RAPGEF5: variants seen among roughly 807,000 people sequenced by gnomAD.
RAPGEF5 encodes M-Ras-regulated GEF.
A neutral mutation model predicts 125.2 loss-of-function variants in RAPGEF5; 65 were observed. The ratio of observed to expected loss-of-function variants is 0.52; its 90% confidence interval spans 0.43 to 0.64. The LOEUF (loss-of-function observed/expected upper bound fraction) is 0.64. RAPGEF5 is among the 30% of genes least tolerant of loss of function. The pLI, the probability that RAPGEF5 is intolerant of heterozygous loss-of-function variation, is 0.00. For synonymous variants in RAPGEF5, 391 were observed against 385.9 expected (o/e 1.01, Z -0.16); for missense variants, 958 against 1,048.1 (o/e 0.91, Z 1.19).
At chr7:22,170,247 G>A (rs1334506606) in intron 11 of RAPGEF5, among the ~76,000 whole-genome samples, 1 of 152,180 alleles carries the variant, frequency 6.6e-6, no homozygotes, top group Non-Finnish European at 1.5e-5. Context: ...TAGAGATGGG[G>A]TTTCACCATA....
At chr7:22,183,330 A>G (rs1023144752) in intron 11 of RAPGEF5, among the ~76,000 whole-genome samples, 1 of 150,106 alleles carries the variant, frequency 6.7e-6, no homozygotes, top group Non-Finnish European at 1.5e-5. Context: ...GTAATTTTAT[A>G]TATTTGATTC....
intron 7 of RAPGEF5, among the ~76,000 whole-genome samples, chr7:22,256,787 C>A (rs949456543): frequency 2.0e-5 from 3 of 152,242 alleles, no homozygotes; most frequent in African/African-American, 7.2e-5. Context: ...CACTAATGAG[C>A]CAACATTAGC....
chr7:22,150,263 G>T, intron 18 of RAPGEF5, 144 bp downstream of exon 18: 1 of 709,972 alleles, frequency 1.4e-6, no homozygotes, highest in Non-Finnish European at 2.2e-6. Flanking sequence ...TTTTTGTAGA[G>T]ACAGGGTTGC....
chr7:22,308,140 G>T (rs2128152389), intron 5 of RAPGEF5, among the ~76,000 whole-genome samples, 199 bp downstream of exon 5: 1 of 152,228 alleles, frequency 6.6e-6, no homozygotes, highest in East Asian at 1.9e-4. Flanking sequence ...AGGCTTCTGG[G>T]ATTTAAATAC....
At chr7:22,130,737 G>C (rs1014669054) in intron 24 of RAPGEF5, among the ~76,000 whole-genome samples, 5 of 152,076 alleles carry the variant, frequency 3.3e-5, no homozygotes, top group African/African-American at 1.2e-4. Context: ...TTTTAGCTCT[G>C]GTTCAATAAT....
At position 22,256,269 on chromosome 7, in the gene RAPGEF5, A is replaced by G. The variant is rs564407015; in HGVS notation, c.796+10695T>C. Among the ~76,000 whole-genome samples, 4 of 152,354 alleles carry G rather than the reference A, an allele frequency of 2.6e-5. No individual in the cohort carries two copies. The South Asian group carries it at 8.3e-4, about 32-fold the overall frequency. On this transcript the variant is annotated intron_variant, in intron 7 of 25. Transcript: ENST00000665637. ...ACTGTTAAACTCTACAGAGTCCTTG[A>G]GGCAAAAAATTCCCTTTTTGGTTTT...
At chr7:22,225,076 T>G (rs944997451) in intron 8 of RAPGEF5, among the ~76,000 whole-genome samples, 1 of 152,156 alleles carries the variant, frequency 6.6e-6, no homozygotes, top group African/African-American at 2.4e-5. Flanking sequence ...GAGGATTGCT[T>G]GAGCCCAGGA....
At chr7:22,192,273 A>G (rs1461383561) in intron 11 of RAPGEF5, 2 of 152,508 alleles carry the variant, frequency 1.3e-5, no homozygotes, top group African/African-American at 4.8e-5. Flanking sequence ...TCTGAATTTT[A>G]AAATTACACA....
chr7:22,284,282 G>A (rs988427756), intron 6 of RAPGEF5, among the ~76,000 whole-genome samples: 2 of 152,176 alleles, frequency 1.3e-5, no homozygotes, highest in African/African-American at 2.4e-5. Flanking sequence ...GGATACAGAA[G>A]GAGCTTTAGC....
chr7:22,334,096 G>A (rs553221540), intron 1 of RAPGEF5, among the ~76,000 whole-genome samples: 3 of 148,060 alleles, frequency 2.0e-5, no homozygotes, highest in East Asian at 4.2e-4. Flanking sequence ...ACAGCGCCCC[G>A]AGTGTTCTTT....
intron 1 of RAPGEF5, among the ~76,000 whole-genome samples, chr7:22,327,102 C>A (rs1783828840): frequency 6.6e-6 from 1 of 152,166 alleles, no homozygotes. Context: ...ATAATCTGGA[C>A]AATGCTTGAC....
At chr7:22,351,471 C>T (rs7798524) in intron 1 of RAPGEF5, among the ~76,000 whole-genome samples, 19,546 of 152,164 alleles carry the variant, frequency 0.13, 1,426 homozygotes, top group Admixed American at 0.18. Flanking sequence ...TAATTCAGAG[C>T]ATGGACTTGG....
At chr7:22,221,022 A>G (rs1410311237) in intron 8 of RAPGEF5, among the ~76,000 whole-genome samples, 2 of 152,224 alleles carry the variant, frequency 1.3e-5, no homozygotes, top group African/African-American at 4.8e-5. Flanking sequence ...GGAACTATCC[A>G]TGCAAAGCAA....
At chr7:22,159,344 A>G (rs1783910603) in intron 14 of RAPGEF5, among the ~76,000 whole-genome samples, 1 of 152,214 alleles carries the variant, frequency 6.6e-6, no homozygotes, top group Non-Finnish European at 1.5e-5. Flanking sequence ...AGGACTATAC[A>G]CATGGTTTGC....
chr7:22,179,767 G>T (rs1307264248), intron 11 of RAPGEF5, among the ~76,000 whole-genome samples: 2 of 152,112 alleles, frequency 1.3e-5, no homozygotes, highest in African/African-American at 4.8e-5. Flanking sequence ...TGATACAATC[G>T]CATGCTAAAA....
chr7:22,210,768 T>G (rs1263249127), intron 9 of RAPGEF5, among the ~76,000 whole-genome samples: 1 of 152,132 alleles, frequency 6.6e-6, no homozygotes, highest in Non-Finnish European at 1.5e-5. Flanking sequence ...GTGCCATAAA[T>G]GAACATACAT....
intron 1 of RAPGEF5, among the ~76,000 whole-genome samples, chr7:22,351,423 C>T (rs1784326541): frequency 6.6e-6 from 1 of 152,140 alleles, no homozygotes; most frequent in Non-Finnish European, 1.5e-5. Flanking sequence ...AGTAAATAGA[C>T]CCTTTGCCCT....
intron 7 of RAPGEF5, among the ~76,000 whole-genome samples, chr7:22,265,242 A>G (rs1562496953): frequency 1.3e-5 from 2 of 151,052 alleles, no homozygotes; most frequent in African/African-American, 2.4e-5. Context: ...TTTTGTACCC[A>G]TTAACCAACT....
intron 1 of RAPGEF5, among the ~76,000 whole-genome samples, chr7:22,340,073 T>C (rs530979541): frequency 6.6e-6 from 1 of 152,200 alleles, no homozygotes; most frequent in African/African-American, 2.4e-5. Context: ...TGCAGAGGTG[T>C]GCTTCAATCA....
Sources: allele counts gnomAD v4.1 joint callset (sites outside exome capture counted in the v4.1 genomes callset), GRCh38; gene constraint gnomAD v4.1.1; transcripts MANE v1.5; gene names NCBI Gene and HGNC (gene_info 2026-07-23, HGNC 2026-07-21).